The following ZNF512 variants were observed in gnomAD, a reference collection of about 807,000 sequenced individuals.
The protein encoded by ZNF512 is zinc finger protein 512.
Under a neutral mutation model 77.5 loss-of-function variants are expected in ZNF512, and 25 were observed. The ratio of observed to expected loss-of-function variants is 0.32; its 90% confidence interval spans 0.23 to 0.45. The LOEUF (loss-of-function observed/expected upper bound fraction) is 0.45. Ranked by LOEUF, ZNF512 falls within the 20% of genes least tolerant of loss-of-function variation. The probability of loss-of-function intolerance (pLI) is 1.00; values close to 1 mark genes in which losing one functional copy is unlikely to be tolerated. For missense variants in ZNF512, 483 were observed against 692.6 expected (o/e 0.70, Z 3.40); for synonymous variants, 246 against 239.9 (o/e 1.03, Z -0.24).
chr2:27,600,558 A>T, intron 5 of ZNF512, 133 bp from the exon 6 acceptor site: 1 of 1,003,532 alleles, frequency 1.0e-6, no homozygotes, highest in Non-Finnish European at 1.4e-6. Context: ...TATACCCAGC[A>T]AGAGCCTCTT....
At chr2:27,595,572 G>C (rs1330548452) in intron 2 of ZNF512, among the ~76,000 whole-genome samples, 2 of 152,158 alleles carry the variant, frequency 1.3e-5, no homozygotes, top group African/African-American at 4.8e-5. Context: ...TGATCCGCCT[G>C]CCTCGGCCTC....
chr2:27,610,837 G>T (rs1372231851), intron 10 of ZNF512, among the ~76,000 whole-genome samples: 1 of 151,508 alleles, frequency 6.6e-6, no homozygotes, highest in African/African-American at 2.4e-5. Context: ...CTCCTGAAGT[G>T]CTAGGATTAC....
Position 27,605,104 on chromosome 2 carries a change from A to G in ZNF512, c.936+1797A>G, listed in dbSNP as rs543416854. On this transcript the variant is annotated intron_variant, in intron 9 of 13. Coordinates refer to ENST00000355467, the MANE Select transcript of ZNF512 (RefSeq NM_032434.4). ...CGTTTATCTGCTTACCAGTTGAAGA[A>G]CATTTGGTTGTTTCTAGTTTTTGAT... 2.6e-5 allele frequency among the ~76,000 whole-genome samples: 4 copies of G among 152,204 alleles called. No individual in the cohort carries two copies. The South Asian group carries it at 6.2e-4, about 24-fold the overall frequency.
In ZNF512 at chr2:27,621,175, C is replaced by T. The variant is rs746969743; in HGVS notation, c.1418C>T (p.Thr473Ile). 1 of 1,613,902 alleles carries T rather than the reference C, an allele frequency of 6.2e-7. No homozygotes were observed. The highest frequency in any genetic ancestry group is 1.1e-5 in the South Asian group (1 of 91,084). The stretch of plus-strand genomic sequence containing the variant: ...TAGGACTGGTTCGTTGTAAACCCAA[C>T]AACAACCAAAAGCTTTGAAAAGCTG... ...HAEDWFVVNP[T>I]TTKSFEKLMK... The change falls in exon 14 of 14, where the codon ACA (threonine) becomes ATA (isoleucine). Residue 473 changes from threonine to isoleucine, a missense_variant. Physicochemically the swap from Thr to Ile is moderately conservative, Grantham distance 89. Around this residue, in one of 2 missense-constraint regions of ZNF512, gnomAD observed 324 missense variants for 525.0 expected, o/e 0.62. Transcript: ENST00000355467.
In ZNF512 at chr2:27,583,276, T is replaced by C. The variant is rs1156605533; in HGVS notation, c.30+134T>C. 4 of 1,393,946 alleles carry C rather than the reference T, an allele frequency of 2.9e-6. No individual in the cohort carries two copies. The East Asian group carries it at 9.2e-5, about 32-fold the overall frequency. 86.3% of individuals were successfully genotyped at this position (1,393,946 alleles called of 1,614,324 possible). ...GTAGGCCCCACCCTTCTAGATCAGATCACCTGTCCCTTTTTCTTTACCCAC... is the reference window on the plus strand; with the variant it reads ...GTAGGCCCCACCCTTCTAGATCAGACCACCTGTCCCTTTTTCTTTACCCAC... On this transcript the variant is annotated intron_variant, in intron 1 of 13. Transcript: ENST00000355467.
Position 27,616,274 on chromosome 2 carries a change from G to A in ZNF512, c.1246G>A (p.Val416Ile). 1.2e-6 allele frequency: 2 copies of A among 1,613,850 alleles called. No individual in the cohort carries two copies. The highest frequency in any genetic ancestry group is 1.7e-6 in the Non-Finnish European group (2 of 1,179,734). The change falls in exon 12 of 14, where the codon GTC becomes ATC. Residue 416 changes from valine (V) to isoleucine (I), a missense_variant. Physicochemically the swap from Val to Ile is conservative, Grantham distance 29 (BLOSUM62 3). This residue lies in a region of ZNF512 where 324 missense variants were observed against 525.0 expected (regional missense o/e 0.62). Transcript: ENST00000355467. ...IQCPNQGCEA[V>I]YSSVSGLKAH... ...TTCTCTTTTGCAGGGCTGTGAGGCT[G>A]TCTACAGCAGTGTATCTGGCCTTAA...
Position 27,621,576 on chromosome 2 carries a change from T to A in ZNF512, c.*115T>A. On this transcript the variant is annotated 3_prime_UTR_variant, in exon 14 of 14. Coordinates refer to ENST00000355467, the MANE Select transcript of ZNF512 (RefSeq NM_032434.4). ...AGCTGTTTGTGTAAGGCTGTGACTT[T>A]CTCAGCTCCTTCCTCCTGTGTAAAT... The A allele has an allele frequency of 9.2e-7, 1 of 1,089,250 alleles. No individual in the cohort carries two copies. Among genetic ancestry groups the A allele is most frequent in the Non-Finnish European group, 1.3e-6 (1 of 783,930 alleles). 67.5% of individuals were successfully genotyped at this position (1,089,250 alleles called of 1,614,324 possible). A position where few individuals can be genotyped will look rare whatever the true frequency, so the allele number is the denominator to read the frequency against.
intron 2 of ZNF512, among the ~76,000 whole-genome samples, chr2:27,588,410 G>A (rs1671433433): frequency 1.3e-5 from 2 of 152,096 alleles, no homozygotes; most frequent in Non-Finnish European, 1.5e-5. Flanking sequence ...AAGTTTTATA[G>A]GTTTTATATT....
chr2:27,602,173 A>C (rs13389306), intron 7 of ZNF512, among the ~76,000 whole-genome samples: 8 of 152,352 alleles, frequency 5.3e-5, no homozygotes, highest in Admixed American at 1.3e-4. Context: ...CCGTTTTGAT[A>C]AAAGAGTTAT....
chr2:27,615,343 C>A, intron 11 of ZNF512, 74 bp downstream of exon 11: 1 of 961,500 alleles, frequency 1.0e-6, no homozygotes. Context: ...TTTATTCCTT[C>A]ATGACAAAGT....
At chr2:27,616,156 T>C (rs1229797328) in intron 11 of ZNF512, 106 bp from the exon 12 acceptor site, 17 of 739,146 alleles carry the variant, frequency 2.3e-5, no homozygotes, top group African/African-American at 1.1e-4. Context: ...GCACAAATTA[T>C]TGGTTTTCTT....
chr2:27,594,709 C>G (rs573107967), intron 2 of ZNF512, among the ~76,000 whole-genome samples: 119 of 152,004 alleles, frequency 7.8e-4, no homozygotes, highest in African/African-American at 2.7e-3. Context: ...CAGAGACGCT[C>G]CTCACTTCCT....
At position 27,621,725 on chromosome 2, in the gene ZNF512, A is replaced by G. The variant is rs957224309; in HGVS notation, c.*264A>G. The G allele has an allele frequency of 3.6e-5, 14 of 384,976 alleles. No homozygotes were observed. The highest frequency in any genetic ancestry group is 6.1e-5 in the African/African-American group (3 of 49,076). The allele number at this position is 384,976 out of a possible 1,614,324, so 23.8% of individuals were successfully genotyped here. A position where few individuals can be genotyped will look rare whatever the true frequency, so the allele number is the denominator to read the frequency against. The stretch of plus-strand genomic sequence containing the variant: ...AAAGAGCTCCCTCTCAAGGCCAACT[A>G]TAGGCTCCTCTTGCCCTGTACAAAA... On this transcript the variant is annotated 3_prime_UTR_variant, in exon 14 of 14. Coordinates refer to ENST00000355467, the MANE Select transcript of ZNF512 (RefSeq NM_032434.4).
intron 4 of ZNF512, 95 bp downstream of exon 4, chr2:27,599,773 G>A (rs577251812): frequency 7.9e-7 from 1 of 1,259,980 alleles, no homozygotes; most frequent in African/African-American, 1.5e-5. Flanking sequence ...GAGCCCTTCA[G>A]TGACCTCTGA....
At chr2:27,601,928 C>T (rs911231089) in intron 7 of ZNF512, among the ~76,000 whole-genome samples, 3 of 152,168 alleles carry the variant, frequency 2.0e-5, no homozygotes, top group African/African-American at 4.8e-5. Context: ...GGATTATAGG[C>T]GTGAGCCATC....
rs1672161151 is a variant in ZNF512 at position 27,602,474 on chromosome 2, A to G, written c.681A>G (p.Lys227=). ...MANHNSLPIL[K]AGDEIDEPSE... ...CTCTTGATTTCTAGCCCATTTTGAAAGCCGGAGATGAAATAGATGAGCCAA... is the reference window on the plus strand; with the variant it reads ...CTCTTGATTTCTAGCCCATTTTGAAGGCCGGAGATGAAATAGATGAGCCAA... The change falls in exon 8 of 14, where the codon AAA becomes AAG. Residue 227 remains lysine (K), a synonymous_variant. Coordinates refer to ENST00000355467, the MANE Select transcript of ZNF512 (RefSeq NM_032434.4). 4 of 1,613,204 alleles carry G rather than the reference A, an allele frequency of 2.5e-6. No individual in the cohort carries two copies. Among genetic ancestry groups the G allele is most frequent in the Admixed American group, 1.7e-5 (1 of 59,734 alleles).
intron 7 of ZNF512, among the ~76,000 whole-genome samples, chr2:27,601,804 A>G (rs1327164266): frequency 6.6e-6 from 1 of 152,162 alleles, no homozygotes; most frequent in Non-Finnish European, 1.5e-5. Context: ...ATGCACCACC[A>G]CACCTGGCTG....
intron 10 of ZNF512, among the ~76,000 whole-genome samples, chr2:27,609,198 A>G (rs1334296164): frequency 1.3e-5 from 2 of 151,798 alleles, no homozygotes; most frequent in Admixed American, 1.3e-4. Flanking sequence ...ATTAGTCCAG[A>G]GTGGTAGGTG....
chr2:27,600,573 G>A lies in ZNF512; in HGVS notation c.458-118G>A, dbSNP rs546524560. The A allele has an allele frequency of 4.0e-5, 48 of 1,188,122 alleles. No homozygotes were observed. The South Asian group carries it at 6.0e-4, about 15-fold the overall frequency. The allele number at this position is 1,188,122 out of a possible 1,614,324, so 73.6% of individuals were successfully genotyped here. On this transcript the variant is annotated intron_variant, in intron 5 of 13. Coordinates refer to ENST00000355467, the MANE Select transcript of ZNF512 (RefSeq NM_032434.4). ...TATACCCAGCAAGAGCCTCTTCATC[G>A]CAGTCTACCAGGAAAAGGAAAAACC...
Sources: gnomAD v4.1 joint callset for allele counts (sites outside exome capture counted in the v4.1 genomes callset) on GRCh38, gnomAD v4.1.1 for gene constraint, gnomAD v4.1.1 regional missense constraint, MANE v1.5 for transcripts, NCBI Gene and HGNC (gene_info 2026-07-23, HGNC 2026-07-21) for gene names.